Variants in LRRC37A2 observed in about 807,000 individuals in gnomAD.
LRRC37A2 encodes the protein leucine-rich repeat-containing protein 37A2.
LRRC37A2 carries 9 observed loss-of-function variants against 68.8 expected under a neutral mutation model. That is an observed-to-expected ratio of 0.13 (90% CI 0.08 to 0.23). The LOEUF (loss-of-function observed/expected upper bound fraction) is 0.23, where lower values mean the gene tolerates loss of function less well. LRRC37A2 is among the 10% of genes least tolerant of loss of function. The pLI is 1.00. For missense variants in LRRC37A2, 168 were observed against 950.4 expected, an observed-to-expected ratio of 0.18 and a Z score of 10.82; for synonymous variants, 63 against 367.6, an observed-to-expected ratio of 0.17 and a Z score of 9.48.
chr17:46,799,413 G>T, the LRRC37A2 span, among the ~76,000 whole-genome samples: 1 of 149,882 alleles, frequency 6.7e-6, no homozygotes. Context: ...CATCTTTAAT[G>T]ATTCACCTTC....
the LRRC37A2 span, among the ~76,000 whole-genome samples, chr17:47,038,885 G>C: frequency 2.3e-5 from 3 of 133,214 alleles, no homozygotes; most frequent in South Asian, 8.4e-4. Flanking sequence ...GTAGAGACAG[G>C]GTTTCACCAT....
chr17:46,883,109 G>A, the LRRC37A2 span, among the ~76,000 whole-genome samples: 1 of 151,862 alleles, frequency 6.6e-6, no homozygotes, highest in Admixed American at 6.6e-5. Flanking sequence ...CTCCCGAGTA[G>A]CTGGGACTCC....
At chr17:46,801,882 G>A in the LRRC37A2 span, among the ~76,000 whole-genome samples, 2 of 152,124 alleles carry the variant, frequency 1.3e-5, no homozygotes, top group Admixed American at 1.3e-4. Flanking sequence ...CGACCCTAGT[G>A]GAACTGTTTC....
chr17:46,967,993 C>G, the LRRC37A2 span, among the ~76,000 whole-genome samples: 1 of 152,088 alleles, frequency 6.6e-6, no homozygotes, highest in Admixed American at 6.5e-5. Context: ...TGCTAGGTGG[C>G]TGGGAAGATG....
chr17:46,711,257 T>C, the LRRC37A2 span: 1 of 792,712 alleles, frequency 1.3e-6, no homozygotes, highest in East Asian at 3.3e-5. Flanking sequence ...AGTAATCCAA[T>C]CTATGTACCA....
chr17:46,979,798 T>G, the LRRC37A2 span, among the ~76,000 whole-genome samples: 1 of 43,194 alleles, frequency 2.3e-5, no homozygotes, highest in East Asian at 1.3e-3. Context: ...GTTTTTTTCT[T>G]TCTTTTTTAC....
chr17:46,981,084 C>CT, the LRRC37A2 span, among the ~76,000 whole-genome samples: 1 of 152,118 alleles, frequency 6.6e-6, no homozygotes, highest in Non-Finnish European at 1.5e-5. Flanking sequence ...AAAGAAAGCA[C>CT]TTTGTTATTG....
At chr17:46,795,914 G>A in the LRRC37A2 span, among the ~76,000 whole-genome samples, 3 of 152,002 alleles carry the variant, frequency 2.0e-5, no homozygotes, top group Non-Finnish European at 4.4e-5. Flanking sequence ...GCACACACAC[G>A]TGTGCACACA....
At chr17:46,947,878 C>T in the LRRC37A2 span, among the ~76,000 whole-genome samples, 1 of 152,244 alleles carries the variant, frequency 6.6e-6, no homozygotes, top group Non-Finnish European at 1.5e-5. Flanking sequence ...AAGCGACTCT[C>T]CTGCCTCAGC....
chr17:46,851,644 C>T, the LRRC37A2 span: 4 of 1,278,338 alleles, frequency 3.1e-6, no homozygotes, highest in Non-Finnish European at 3.9e-6. The surrounding 1 kb of genome is among the most constrained non-coding windows in gnomAD (Gnocchi z 4.3). Context: ...GCACCATGCG[C>T]CCCCCGCCCG....
At chr17:46,787,387 G>A in the LRRC37A2 span, among the ~76,000 whole-genome samples, 1 of 152,232 alleles carries the variant, frequency 6.6e-6, no homozygotes, top group Non-Finnish European at 1.5e-5. Flanking sequence ...TTCTATTACA[G>A]TGTTAGGTCA....
At chr17:46,974,987 C>CTTTTTTTTTTTTTT in the LRRC37A2 span, among the ~76,000 whole-genome samples, 2 of 119,060 alleles carry the variant, frequency 1.7e-5, no homozygotes, top group Non-Finnish European at 3.5e-5. Flanking sequence ...TTACTATTTT[C>CTTTTTTTTTTTTTT]TTTTTTTTTT....
chr17:46,862,510 G>C, the LRRC37A2 span, among the ~76,000 whole-genome samples: 4 of 152,190 alleles, frequency 2.6e-5, no homozygotes, highest in African/African-American at 7.2e-5. Flanking sequence ...TGTGGATAAG[G>C]GTTTGTGAAT....
the LRRC37A2 span, chr17:46,978,628 GCGGACC>G: frequency 6.4e-7 from 1 of 1,574,730 alleles, no homozygotes; most frequent in East Asian, 2.4e-5. Context: ...GCTGGCGAGG[GCGGACC>G]CAGATGGCGC....
chr17:46,763,696 G>A, the LRRC37A2 span: 1 of 152,066 alleles, frequency 6.6e-6, no homozygotes, highest in Non-Finnish European at 1.5e-5. Flanking sequence ...TATTTGTACA[G>A]AGAATCTGCA....
At chr17:46,467,838 G>A in the LRRC37A2 span, among the ~76,000 whole-genome samples, 2 of 103,850 alleles carry the variant, frequency 1.9e-5, no homozygotes, top group South Asian at 8.4e-4. Context: ...TTTGAAAGCT[G>A]TTGCCAGGGC....
the LRRC37A2 span, chr17:46,876,177 C>G: frequency 6.9e-7 from 1 of 1,444,636 alleles, no homozygotes; most frequent in Non-Finnish European, 9.3e-7. Flanking sequence ...GGGGTTGGTG[C>G]TCTGGGGGCA....
chr17:46,720,506 T>C, the LRRC37A2 span, among the ~76,000 whole-genome samples: 1 of 152,212 alleles, frequency 6.6e-6, no homozygotes, highest in Non-Finnish European at 1.5e-5. Context: ...GCCAAAAGTT[T>C]AGGTCCACTT....
the LRRC37A2 span, among the ~76,000 whole-genome samples, chr17:46,733,930 T>TA: frequency 1.3e-5 from 2 of 152,284 alleles, no homozygotes; most frequent in Admixed American, 6.5e-5. Context: ...AAGAGAGAAA[T>TA]ACAGCTTAAA....
Sources: allele counts gnomAD v4.1 joint callset (sites outside exome capture counted in the v4.1 genomes callset), GRCh38; gene constraint gnomAD v4.1.1; non-coding constraint Gnocchi (gnomAD v3.1); transcripts MANE v1.5; gene names NCBI Gene and HGNC (gene_info 2026-07-23, HGNC 2026-07-21).